DMD: variants seen among roughly 807,000 people sequenced by gnomAD.
DMD encodes dystrophin, also known as mutant dystrophin.
DMD carries 63 observed loss-of-function variants against 330.1 expected under a neutral mutation model. That is an observed-to-expected ratio of 0.19 (90% CI 0.16 to 0.24). The LOEUF (loss-of-function observed/expected upper bound fraction) is 0.24. Ranked by LOEUF, DMD falls within the 10% of genes least tolerant of loss-of-function variation. DMD has a pLI of 1.00. For missense variants in DMD, 3,344 were observed against 2,684.1 expected (o/e 1.25, Z -5.43); for synonymous variants, 1,223 against 959.8 (o/e 1.27, Z -5.07).
chrX:31,510,075 A>G (rs749917503), intron 55 of DMD, among the ~76,000 whole-genome samples: 4 of 112,093 alleles, frequency 3.6e-5, no homozygotes, highest in Non-Finnish European at 7.5e-5. Flanking sequence ...GGTGATACAG[A>G]GCTGTAAATG....
chrX:33,018,917 C>T (rs1239516227), intron 2 of DMD, among the ~76,000 whole-genome samples: 1 of 111,295 alleles, frequency 9.0e-6, no homozygotes, highest in Non-Finnish European at 1.9e-5. Flanking sequence ...ATTTAAAAAA[C>T]GTTTTTAAAA....
chrX:31,693,462 C>T (rs2083250498), intron 52 of DMD, among the ~76,000 whole-genome samples: 1 of 111,360 alleles, frequency 9.0e-6, no homozygotes, highest in Admixed American at 9.6e-5. Flanking sequence ...GGCAACCAAA[C>T]TGAAAAGGAT....
chrX:31,602,108 G>A (rs2077397386), intron 55 of DMD, among the ~76,000 whole-genome samples: 1 of 111,062 alleles, frequency 9.0e-6, no homozygotes, highest in Non-Finnish European at 1.9e-5. Context: ...CACTTCTGGT[G>A]GATTCTTTTT....
intron 42 of DMD, among the ~76,000 whole-genome samples, chrX:32,301,222 T>TA (rs56329666): frequency 0.015 from 1,120 of 74,652 alleles, 25 homozygotes; most frequent in African/African-American, 0.043. Context: ...TGCATACATC[T>TA]AAAAAAAAAA....
At chrX:32,184,079 C>A (rs1456735) in intron 44 of DMD, among the ~76,000 whole-genome samples, 2 of 108,919 alleles carry the variant, frequency 1.8e-5, no homozygotes, top group Non-Finnish European at 3.8e-5. Context: ...ATATCGATAT[C>A]TTAAAACTAA....
rs190222990 is a variant in DMD, at chrX:32,085,791, C to T, written c.6439-117277G>A. ...CTATATTTATCAAACTGTGCATTTA[C>T]GATATCTGGCAATATCTTATCTACT... is the stretch of plus-strand genomic sequence containing the variant. On this transcript the variant is annotated intron_variant, in intron 44 of 78. Transcript: ENST00000357033. Among the ~76,000 whole-genome samples the T allele has an allele frequency of 3.0e-4, 33 of 109,411 alleles. No homozygotes were observed. The East Asian group carries it at 6.4e-3, about 21-fold the overall frequency.
At chrX:31,524,055 G>A (rs888761345) in intron 55 of DMD, among the ~76,000 whole-genome samples, 2 of 111,916 alleles carry the variant, frequency 1.8e-5, no homozygotes, top group Admixed American at 1.9e-4. Context: ...CATGCATGAA[G>A]TCAGGAACAC....
intron 2 of DMD, among the ~76,000 whole-genome samples, chrX:32,866,752 GGGA>G (rs1169225618): frequency 5.5e-4 from 46 of 84,152 alleles, no homozygotes; most frequent in African/African-American, 1.8e-3. Context: ...TGGGGGGGGG[GGGA>G]CAGAGTTTCA....
chrX:31,946,140 G>A (rs2095083462), intron 45 of DMD, among the ~76,000 whole-genome samples: 1 of 112,318 alleles, frequency 8.9e-6, no homozygotes, highest in Admixed American at 9.4e-5. Context: ...AAGAAGAGCA[G>A]TGGATCTTAC....
At chrX:32,125,513 G>T (rs1226170597) in intron 44 of DMD, among the ~76,000 whole-genome samples, 3 of 111,617 alleles carry the variant, frequency 2.7e-5, no homozygotes, top group Non-Finnish European at 5.6e-5. Context: ...TGTCAATTAG[G>T]CAGGGGGGTA....
In DMD at chrX:32,134,744, A is replaced by G. The variant is rs147464130; in HGVS notation, c.6438+82172T>C. Among the ~76,000 whole-genome samples the G allele has an allele frequency of 7.6e-3, 851 of 111,691 alleles. 9 individuals carry two copies. The highest frequency in any genetic ancestry group is 0.026 in the African/African-American group (805 of 30,718). Reference sequence around the variant, plus strand: ...ACCAGACGTTGTTATTGCCACTTGTATAAGTCAGATGAATAAAGAGAAATT... The same window carrying G: ...ACCAGACGTTGTTATTGCCACTTGTGTAAGTCAGATGAATAAAGAGAAATT... On this transcript the variant is annotated intron_variant, in intron 44 of 78. Transcript: ENST00000357033.
intron 17 of DMD, among the ~76,000 whole-genome samples, chrX:32,540,322 A>T (rs1447171480): frequency 9.0e-6 from 1 of 111,635 alleles, no homozygotes; most frequent in East Asian, 2.8e-4. Context: ...TAAAGAGAAA[A>T]ATTTATGCAA....
At chrX:31,349,853 C>T (rs1208933865) in intron 60 of DMD, among the ~76,000 whole-genome samples, 2 of 111,426 alleles carry the variant, frequency 1.8e-5, no homozygotes, top group African/African-American at 3.3e-5. Context: ...GGGTAGTTCC[C>T]GTGGTGTGCA....
At chrX:32,694,261 A>G (rs1386809884) in intron 9 of DMD, among the ~76,000 whole-genome samples, 1 of 111,326 alleles carries the variant, frequency 9.0e-6, no homozygotes, top group Non-Finnish European at 1.9e-5. Context: ...TGGCCGATGG[A>G]TTTAAATAAC....
intron 62 of DMD, among the ~76,000 whole-genome samples, chrX:31,318,133 G>A (rs1053087380): frequency 2.7e-5 from 3 of 111,918 alleles, no homozygotes; most frequent in Non-Finnish European, 3.8e-5. Flanking sequence ...CGAAAAAATT[G>A]CCATGAAAGT....
intron 67 of DMD, among the ~76,000 whole-genome samples, chrX:31,187,720 A>T (rs1173667479): frequency 3.2e-4 from 1 of 3,148 alleles, no homozygotes; most frequent in Non-Finnish European, 2.7e-3. Context: ...AGATTCTCAG[A>T]GAGAGAGAGA....
intron 1 of DMD, among the ~76,000 whole-genome samples, chrX:33,048,851 G>C (rs958310242): frequency 1.3e-4 from 14 of 110,890 alleles, no homozygotes; most frequent in Non-Finnish European, 2.1e-4. Context: ...GCCAGAGCTT[G>C]AAGGGCAGAA....
At chrX:32,889,983 C>A (rs772502864) in intron 2 of DMD, among the ~76,000 whole-genome samples, 41 of 111,502 alleles carry the variant, frequency 3.7e-4, no homozygotes, top group African/African-American at 1.0e-3. Flanking sequence ...GCAGGATCTA[C>A]CGGAAAGTAG....
intron 52 of DMD, among the ~76,000 whole-genome samples, chrX:31,710,332 G>T (rs916274508): frequency 2.7e-5 from 3 of 111,667 alleles, no homozygotes; most frequent in Non-Finnish European, 5.7e-5. Context: ...ATATGGTGGT[G>T]GTTGGGGGAA....
Sources: allele counts gnomAD v4.1 joint callset (sites outside exome capture counted in the v4.1 genomes callset), GRCh38; gene constraint gnomAD v4.1.1; transcripts MANE v1.5; gene names NCBI Gene and HGNC (gene_info 2026-07-23, HGNC 2026-07-21).